The following TMEM108 variants were observed in gnomAD, a reference collection of about 807,000 sequenced individuals.
TMEM108 encodes the protein transmembrane protein 108.
In TMEM108, 12 loss-of-function variants were observed where a neutral mutation model predicts 35.1. The observed-to-expected ratio is 0.34, with a 90% confidence interval of 0.22 to 0.55. The LOEUF (loss-of-function observed/expected upper bound fraction) is 0.55, where lower values mean the gene tolerates loss of function less well. TMEM108 is among the 20% of genes least tolerant of loss of function. TMEM108 has a pLI of 0.89. For synonymous variants in TMEM108, 287 were observed against 308.6 expected (o/e 0.93, Z 0.73); for missense variants, 680 against 753.3 (o/e 0.90, Z 1.14).
intron 3 of TMEM108, among the ~76,000 whole-genome samples, chr3:133,377,648 G>A (rs1480396621): frequency 1.3e-5 from 2 of 152,232 alleles, no homozygotes; most frequent in East Asian, 1.9e-4. Flanking sequence ...CAGTAAACAG[G>A]TTTTAGGATT....
rs1576298934 is a variant in TMEM108 at position 133,063,613 on chromosome 3, A to T, written c.-47+17593A>T. On this transcript the variant is annotated intron_variant, in intron 2 of 5. Transcript: ENST00000321871. ...AGAGCCATATGGTGGTAAAAGTGTA[A>T]GGTTGAGAAATGACTTGTGAGTCCT... Among the ~76,000 whole-genome samples, 4 of 152,284 alleles carry T rather than the reference A, an allele frequency of 2.6e-5. No individual in the cohort carries two copies. In the East Asian group the frequency reaches 7.7e-4, roughly 29 times the overall value.
intron 2 of TMEM108, among the ~76,000 whole-genome samples, chr3:133,073,195 C>G (rs900171796): frequency 6.6e-6 from 1 of 151,862 alleles, no homozygotes; most frequent in Non-Finnish European, 1.5e-5. Flanking sequence ...ACTATAATCA[C>G]GTTGTTGTAT....
intron 2 of TMEM108, among the ~76,000 whole-genome samples, chr3:133,127,738 A>G (rs9815163): frequency 0.22 from 32,872 of 152,044 alleles, 4,345 homozygotes; most frequent in Non-Finnish European, 0.3. Context: ...CATTGTTTCA[A>G]TTTCCACATT....
chr3:133,143,448 G>C (rs902199006), intron 2 of TMEM108, among the ~76,000 whole-genome samples: 1 of 151,902 alleles, frequency 6.6e-6, no homozygotes, highest in African/African-American at 2.4e-5. Flanking sequence ...CTTTATGTTT[G>C]TATAGGTCAT....
intron 2 of TMEM108, among the ~76,000 whole-genome samples, chr3:133,066,361 G>T (rs560230986): frequency 6.6e-6 from 1 of 151,892 alleles, no homozygotes; most frequent in Non-Finnish European, 1.5e-5. Flanking sequence ...GTTCTAGAAA[G>T]GATTTAGGAT....
intron 2 of TMEM108, among the ~76,000 whole-genome samples, chr3:133,172,917 A>G (rs998924758): frequency 6.6e-6 from 1 of 152,148 alleles, no homozygotes; most frequent in Admixed American, 6.5e-5. Context: ...TTCCCTCCAC[A>G]AGCTCTCTCT....
chr3:133,220,010 A>C (rs774965678), intron 2 of TMEM108, among the ~76,000 whole-genome samples: 10 of 150,112 alleles, frequency 6.7e-5, no homozygotes, highest in Admixed American at 2.0e-4. Flanking sequence ...ATGCATATGT[A>C]TTTATAATTG....
chr3:133,148,053 A>G (rs1172846698), intron 2 of TMEM108, among the ~76,000 whole-genome samples: 3 of 152,210 alleles, frequency 2.0e-5, no homozygotes, highest in Non-Finnish European at 4.4e-5. Flanking sequence ...CTACAGAAAA[A>G]CAGATATCTC....
chr3:133,284,474 C>G (rs958207513), intron 3 of TMEM108, among the ~76,000 whole-genome samples: 38 of 152,336 alleles, frequency 2.5e-4, no homozygotes, highest in African/African-American at 9.1e-4. Context: ...AACAGATTCT[C>G]CTTGTTCCTT....
intron 3 of TMEM108, among the ~76,000 whole-genome samples, chr3:133,355,879 TTTTC>T (rs1469643075): frequency 2.0e-5 from 3 of 152,168 alleles, no homozygotes; most frequent in Non-Finnish European, 4.4e-5. Context: ...TTGCTAGCTT[TTTTC>T]TTTCTAACTG....
intron 2 of TMEM108, among the ~76,000 whole-genome samples, chr3:133,063,741 C>T (rs983876961): frequency 2.1e-4 from 32 of 152,178 alleles, no homozygotes; most frequent in African/African-American, 7.2e-4. Context: ...GGAGAAAGGA[C>T]AGCACCCAGG....
At chr3:133,186,037 G>T (rs1313511981) in intron 2 of TMEM108, among the ~76,000 whole-genome samples, 1 of 150,210 alleles carries the variant, frequency 6.7e-6, no homozygotes, top group African/African-American at 2.4e-5. Flanking sequence ...CAAAGTGCTG[G>T]GATTACAGGC....
chr3:133,170,511 T>G (rs181943207), intron 2 of TMEM108, among the ~76,000 whole-genome samples: 219 of 152,344 alleles, frequency 1.4e-3, no homozygotes, highest in Non-Finnish European at 2.5e-3. Flanking sequence ...AACAAAATTT[T>G]AATTGTAAAA....
intron 3 of TMEM108, among the ~76,000 whole-genome samples, chr3:133,342,144 A>T (rs367579617): frequency 2.0e-5 from 3 of 151,878 alleles, no homozygotes. Flanking sequence ...CTGACAAGGG[A>T]TTAATAATCA....
intron 2 of TMEM108, among the ~76,000 whole-genome samples, chr3:133,181,019 A>AAAAAAAAAAAC (rs1945332121): frequency 1.6e-5 from 2 of 125,862 alleles, no homozygotes; most frequent in Non-Finnish European, 3.6e-5. Context: ...AAAAAAAAAA[A>AAAAAAAAAAAC]AAAAAAAAAA....
intron 2 of TMEM108, among the ~76,000 whole-genome samples, chr3:133,162,149 C>CT (rs538316853): frequency 0.1 from 15,088 of 146,536 alleles, 881 homozygotes; most frequent in Middle Eastern, 0.17. Flanking sequence ...GAATCCTAGA[C>CT]TTTTTTTTTT....
At chr3:133,054,554 G>C (rs1279729903) in intron 2 of TMEM108, among the ~76,000 whole-genome samples, 1 of 152,208 alleles carries the variant, frequency 6.6e-6, no homozygotes, top group African/African-American at 2.4e-5. Context: ...GTAAAAATAA[G>C]TTCCATACAA....
At chr3:133,240,747 C>G (rs182106493) in intron 3 of TMEM108, among the ~76,000 whole-genome samples, 1 of 152,214 alleles carries the variant, frequency 6.6e-6, no homozygotes, top group African/African-American at 2.4e-5. Context: ...AACTACAATG[C>G]ACAGGTGACC....
rs967482468 is a variant in TMEM108, at chr3:133,346,977, T to C, written c.41-32775T>C. On this transcript the variant is annotated intron_variant, in intron 3 of 5. Coordinates refer to ENST00000321871, the MANE Select transcript of TMEM108 (RefSeq NM_023943.4). The surrounding 1 kb of genome is among the most constrained non-coding windows in gnomAD (Gnocchi z 4.0). The stretch of plus-strand genomic sequence containing the variant: ...TTTGCGTGAGTCTGTCTCTGGACCC[T>C]ATTCTGTTCTGTTGATCAGTTTCTC... Among the ~76,000 whole-genome samples the C allele has an allele frequency of 1.3e-5, 2 of 152,144 alleles. No homozygotes were observed. Among genetic ancestry groups the C allele is most frequent in the African/African-American group, 2.4e-5 (1 of 41,466 alleles).
Sources: gnomAD v4.1 joint callset for allele counts (sites outside exome capture counted in the v4.1 genomes callset) on GRCh38, gnomAD v4.1.1 for gene constraint, Gnocchi (gnomAD v3.1) non-coding constraint, MANE v1.5 for transcripts, NCBI Gene and HGNC (gene_info 2026-07-23, HGNC 2026-07-21) for gene names.